SLC35F1: variants seen among roughly 807,000 people sequenced by gnomAD.
SLC35F1 encodes solute carrier family 35 member F1, also known as chromosome 6 open reading frame 169.
A neutral mutation model predicts 48.7 loss-of-function variants in SLC35F1; 14 were observed. The ratio of observed to expected loss-of-function variants is 0.29; its 90% confidence interval spans 0.19 to 0.45. The LOEUF is 0.45. Ranked by LOEUF, SLC35F1 falls within the 20% of genes least tolerant of loss-of-function variation. The pLI is 1.00. For missense variants in SLC35F1, 404 were observed against 500.0 expected, an observed-to-expected ratio of 0.81 and a Z score of 1.83; for synonymous variants, 190 against 202.2, an observed-to-expected ratio of 0.94 and a Z score of 0.51.
chr6:117,924,437 C>CATGCATATGT (rs1775993737), intron 1 of SLC35F1, among the ~76,000 whole-genome samples: 5 of 108,820 alleles, frequency 4.6e-5, no homozygotes, highest in South Asian at 2.4e-4. Context: ...ACGCATAACA[C>CATGCATATGT]ATATATACAC....
chr6:118,258,668 T>C (rs990556811), intron 3 of SLC35F1, among the ~76,000 whole-genome samples: 2 of 152,008 alleles, frequency 1.3e-5, no homozygotes, highest in African/African-American at 4.8e-5. Flanking sequence ...TTGGTAAAGC[T>C]ACAGCAATTA....
chr6:117,920,280 G>A (rs1775880652), intron 1 of SLC35F1, among the ~76,000 whole-genome samples: 1 of 152,220 alleles, frequency 6.6e-6, no homozygotes, highest in African/African-American at 2.4e-5. Flanking sequence ...GGCGGGGGAG[G>A]GGCGCTCGGA....
At chr6:118,238,500 G>A (rs1335784295) in intron 3 of SLC35F1, among the ~76,000 whole-genome samples, 1 of 151,774 alleles carries the variant, frequency 6.6e-6, no homozygotes, top group Admixed American at 6.6e-5. Flanking sequence ...TCTAGTAAAA[G>A]GATGATCTTC....
At chr6:118,293,069 G>T (rs1776144311) in intron 7 of SLC35F1, among the ~76,000 whole-genome samples, 1 of 152,140 alleles carries the variant, frequency 6.6e-6, no homozygotes, top group Admixed American at 6.6e-5. Flanking sequence ...CCATTGGAGG[G>T]TGTGCTGGCT....
chr6:118,262,262 A>T (rs1173870803), intron 3 of SLC35F1, among the ~76,000 whole-genome samples: 1 of 152,114 alleles, frequency 6.6e-6, no homozygotes, highest in Non-Finnish European at 1.5e-5. Context: ...AGAAGTCCAA[A>T]GAGAAGCTCG....
chr6:118,139,660 C>A (rs1773853623), intron 1 of SLC35F1, among the ~76,000 whole-genome samples: 1 of 152,158 alleles, frequency 6.6e-6, no homozygotes, highest in South Asian at 2.1e-4. Flanking sequence ...ATGGCTATTT[C>A]TGTTATTCCA....
At chr6:117,951,605 G>C (rs778725112) in intron 1 of SLC35F1, among the ~76,000 whole-genome samples, 5 of 152,140 alleles carry the variant, frequency 3.3e-5, no homozygotes, top group Non-Finnish European at 7.3e-5. Context: ...CAAGTTGAAG[G>C]CATGATCTAA....
At chr6:118,159,100 A>C (rs113812245) in intron 2 of SLC35F1, among the ~76,000 whole-genome samples, 2,983 of 151,950 alleles carry the variant, frequency 0.02, 113 homozygotes, top group African/African-American at 0.068. Context: ...AGGCGCCTGT[A>C]GTCCCAGCTA....
rs147146764 is a variant in SLC35F1 at position 118,074,213 on chromosome 6, T to A, written c.174-80232T>A. ...TGAAATGTGCAAAGCAGTGAGGCAATGATGTTTCTTTCAAATTCACTACAA... is the reference window on the plus strand; with the variant it reads ...TGAAATGTGCAAAGCAGTGAGGCAAAGATGTTTCTTTCAAATTCACTACAA... On this transcript the variant is annotated intron_variant, in intron 1 of 7. Coordinates refer to ENST00000360388, the MANE Select transcript of SLC35F1 (RefSeq NM_001029858.4). Among the ~76,000 whole-genome samples, 129 of 152,336 alleles carry A rather than the reference T, an allele frequency of 8.5e-4. 1 individual carries two copies. Among genetic ancestry groups the A allele is most frequent in the African/African-American group, 3.0e-3 (124 of 41,590 alleles).
chr6:118,136,586 G>GCC (rs978663989), intron 1 of SLC35F1, among the ~76,000 whole-genome samples: 2 of 152,130 alleles, frequency 1.3e-5, no homozygotes, highest in African/African-American at 2.4e-5. Flanking sequence ...ATCTCCTTCT[G>GCC]CCCCTCCTTT....
At chr6:117,998,930 C>T in intron 1 of SLC35F1, 13 of 787,062 alleles carry the variant, frequency 1.7e-5, no homozygotes, top group South Asian at 1.4e-5. Context: ...AAAATCAGCT[C>T]TTCCGGTTCT....
At chr6:118,058,659 T>C (rs1352698858) in intron 1 of SLC35F1, among the ~76,000 whole-genome samples, 1 of 152,242 alleles carries the variant, frequency 6.6e-6, no homozygotes, top group Non-Finnish European at 1.5e-5. Flanking sequence ...TCTTGATAAG[T>C]ATATTTTTCT....
intron 5 of SLC35F1, among the ~76,000 whole-genome samples, chr6:118,276,947 A>G (rs1457016411): frequency 2.0e-5 from 3 of 152,182 alleles, no homozygotes; most frequent in Non-Finnish European, 2.9e-5. Context: ...TTCTCAAAAT[A>G]TGGTCCTCTG....
intron 2 of SLC35F1, among the ~76,000 whole-genome samples, chr6:118,206,387 C>T (rs1040028307): frequency 1.3e-5 from 2 of 152,154 alleles, no homozygotes; most frequent in African/African-American, 4.8e-5. Context: ...CCCATTCCTT[C>T]CCTAACCTTA....
At chr6:118,027,751 G>T (rs1057415279) in intron 1 of SLC35F1, among the ~76,000 whole-genome samples, 3 of 152,008 alleles carry the variant, frequency 2.0e-5, no homozygotes, top group Non-Finnish European at 2.9e-5. Context: ...CCCATCTGAG[G>T]CTGTCTTTTT....
chr6:118,179,187 T>A (rs1360566262), intron 2 of SLC35F1, among the ~76,000 whole-genome samples: 2 of 152,168 alleles, frequency 1.3e-5, no homozygotes, highest in East Asian at 1.9e-4. Context: ...AGAGACCATA[T>A]ATATATAAAA....
chr6:118,302,993 AC>A (rs917692384), intron 7 of SLC35F1, among the ~76,000 whole-genome samples: 1 of 151,214 alleles, frequency 6.6e-6, no homozygotes, highest in Non-Finnish European at 1.5e-5. Flanking sequence ...AAAAAAAAAA[AC>A]ATTAAACCCA....
At chr6:118,019,566 G>T (rs1463289900) in intron 1 of SLC35F1, among the ~76,000 whole-genome samples, 1 of 152,026 alleles carries the variant, frequency 6.6e-6, no homozygotes, top group African/African-American at 2.4e-5. Context: ...AGGGTGCAGT[G>T]AGCCAAGATC....
intron 1 of SLC35F1, among the ~76,000 whole-genome samples, chr6:118,082,402 T>C (rs1772924119): frequency 6.6e-6 from 1 of 152,194 alleles, no homozygotes. Context: ...AGAATAATTT[T>C]AGAAAGTTAT....
Sources: allele counts gnomAD v4.1 joint callset (sites outside exome capture counted in the v4.1 genomes callset), GRCh38; gene constraint gnomAD v4.1.1; transcripts MANE v1.5; gene names NCBI Gene and HGNC (gene_info 2026-07-23, HGNC 2026-07-21).